Variants in CERS3 observed in about 807,000 individuals in gnomAD.
CERS3 encodes the protein LAG1 homolog, ceramide synthase 3.
A neutral mutation model predicts 50.3 loss-of-function variants in CERS3; 33 were observed. That is an observed-to-expected ratio of 0.66 (90% CI 0.50 to 0.88). CERS3 has a LOEUF of 0.88. Among genes scored for constraint, CERS3 ranks in the 40% least tolerant of loss-of-function variants. The pLI is 0.00. For missense variants in CERS3, 470 were observed against 460.3 expected (o/e 1.02, Z -0.19); for synonymous variants, 176 against 155.2 (o/e 1.13, Z -0.99).
rs995865369 is a variant in CERS3, at chr15:100,417,719, C to T, written c.1000-14854G>A. The stretch of plus-strand genomic sequence containing the variant: ...GAAGAGAGCAGTGGTTCTCCCAGCA[C>T]GCAGCTGGAGATCTGAGAACGGGCA... On this transcript the variant is annotated intron_variant, in intron 11 of 11. Coordinates refer to ENST00000679737, the MANE Select transcript of CERS3 (RefSeq NM_001378789.1). Among the ~76,000 whole-genome samples, 79 of 151,994 alleles carry T rather than the reference C, an allele frequency of 5.2e-4. 1 individual carries two copies. The highest frequency in any genetic ancestry group is 2.7e-4 in the African/African-American group (11 of 41,292).
chr15:100,489,073 C>G (rs1225681298), intron 4 of CERS3, among the ~76,000 whole-genome samples: 3 of 152,228 alleles, frequency 2.0e-5, no homozygotes, highest in Admixed American at 6.5e-5. Flanking sequence ...CTGCGCCCAG[C>G]CACTTTTTTT....
intron 11 of CERS3, among the ~76,000 whole-genome samples, chr15:100,407,713 T>C (rs745807028): frequency 7.2e-5 from 11 of 152,234 alleles, no homozygotes; most frequent in Non-Finnish European, 1.5e-4. Context: ...TTATAGATTC[T>C]TGTCATTCCC....
At chr15:100,504,117 G>A (rs1027627210) in intron 2 of CERS3, among the ~76,000 whole-genome samples, 12 of 152,076 alleles carry the variant, frequency 7.9e-5, no homozygotes, top group Admixed American at 3.3e-4. Flanking sequence ...ATTGAACCCT[G>A]GTGAGATAAT....
intron 11 of CERS3, among the ~76,000 whole-genome samples, chr15:100,405,889 T>C (rs2030988557): frequency 6.6e-6 from 1 of 152,268 alleles, no homozygotes; most frequent in Non-Finnish European, 1.5e-5. Flanking sequence ...GTTTCCCCAC[T>C]AACACTTGCA....
upstream of CERS3, among the ~76,000 whole-genome samples, chr15:100,530,523 G>C (rs1020041242): frequency 2.0e-5 from 3 of 152,132 alleles, no homozygotes; most frequent in South Asian, 2.1e-4. Flanking sequence ...CTGTTCTGTG[G>C]GTATACCTTT....
rs764980198 is a variant in CERS3, at chr15:100,484,620, C to T, written c.337G>A (p.Val113Met). 6.2e-7 allele frequency: 1 copy of T among 1,614,162 alleles called. No homozygotes were observed. The highest frequency in any genetic ancestry group is 8.5e-7 in the Non-Finnish European group (1 of 1,180,016). The change falls in exon 5 of 12, where the codon GTG (valine) becomes ATG (methionine). Residue 113 changes from valine (V) to methionine (M), a missense_variant. Transcript: ENST00000679737. ...CGCCGACTCCTAAACCATCTTTCCA[C>T]CTGGCGCTCCGTCAAGTTACACTTC... ...AKKCNLTERQ[V>M]ERWFRSRRNQ... is the part of the protein sequence containing the mutation.
At chr15:100,407,308 T>C (rs7164714) in intron 11 of CERS3, among the ~76,000 whole-genome samples, 87,285 of 152,050 alleles carry the variant, frequency 0.57, 25,288 homozygotes, top group Middle Eastern at 0.61. Flanking sequence ...ACCCTCCAGC[T>C]GTTTGCCTTT....
intron 11 of CERS3, among the ~76,000 whole-genome samples, chr15:100,447,619 G>T (rs1178675483): frequency 6.6e-6 from 1 of 152,204 alleles, no homozygotes; most frequent in Non-Finnish European, 1.5e-5. Context: ...TTAAGACAAA[G>T]CAGAAATGCG....
At chr15:100,433,720 T>TGTGCAAACACACAC (rs2033255918) in intron 11 of CERS3, among the ~76,000 whole-genome samples, 1 of 152,206 alleles carries the variant, frequency 6.6e-6, no homozygotes, top group South Asian at 2.1e-4. Flanking sequence ...CATGCACACA[T>TGTGCAAACACACAC]GTGCACACAC....
At position 100,428,846 on chromosome 15, in the gene CERS3, T is replaced by C. The variant is rs532859939; in HGVS notation, c.1000-25981A>G. Among the ~76,000 whole-genome samples, 6 of 152,340 alleles carry C rather than the reference T, an allele frequency of 3.9e-5. No homozygotes were observed. In the South Asian group the frequency reaches 1.2e-3, roughly 32 times the overall value. On this transcript the variant is annotated intron_variant, in intron 11 of 11. Transcript: ENST00000679737. ...TTTAAATAGAGGAATCTCACTTAGA[T>C]GAGGCTGATGCCAGGAAGGCCTTAA...
At chr15:100,535,152 C>T (rs2037039171) in intron 1 of CERS3, among the ~76,000 whole-genome samples, 1 of 152,224 alleles carries the variant, frequency 6.6e-6, no homozygotes, top group Non-Finnish European at 1.5e-5. Context: ...TCTAAATTAA[C>T]TGAGACCTAT....
intron 11 of CERS3, among the ~76,000 whole-genome samples, chr15:100,424,997 C>A (rs2032717536): frequency 6.7e-6 from 1 of 150,104 alleles, no homozygotes; most frequent in South Asian, 2.2e-4. Context: ...AGGGTGCAAG[C>A]CAAAAACCTT....
At position 100,504,723 on chromosome 15, in the gene CERS3, C is replaced by T. The variant is rs545463833; in HGVS notation, c.-1-2873G>A. Among the ~76,000 whole-genome samples, 12 of 152,224 alleles carry T rather than the reference C, an allele frequency of 7.9e-5. No homozygotes were observed. The South Asian group carries it at 8.3e-4, about 11-fold the overall frequency. ...ACAGGGGTGAAGGGGTGACCACGGACTGCAGACTTGATCTGGGTACAAAGG... is the reference window on the plus strand; with the variant it reads ...ACAGGGGTGAAGGGGTGACCACGGATTGCAGACTTGATCTGGGTACAAAGG... On this transcript the variant is annotated intron_variant, in intron 2 of 11. Coordinates refer to ENST00000679737, the MANE Select transcript of CERS3 (RefSeq NM_001378789.1).
In CERS3 at chr15:100,526,789, C is replaced by T. The variant is rs73475772; in HGVS notation, c.-92+2024G>A. ...TTGTCTGCTTTGTTCACTGGTGATA[C>T]CCCCAATCCTAGAACAGGATCCAAC... is the stretch of plus-strand genomic sequence containing the variant. On this transcript the variant is annotated intron_variant, in intron 1 of 11. Coordinates refer to ENST00000679737, the MANE Select transcript of CERS3 (RefSeq NM_001378789.1). 8.6e-3 allele frequency among the ~76,000 whole-genome samples: 1,314 copies of T among 152,044 alleles called. 24 individuals carry two copies. The highest frequency in any genetic ancestry group is 0.03 in the African/African-American group (1,236 of 41,482).
intron 5 of CERS3, among the ~76,000 whole-genome samples, chr15:100,483,778 A>ATT (rs1300648690): frequency 0.32 from 18,337 of 57,044 alleles, 2,300 homozygotes; most frequent in Non-Finnish European, 0.37. Context: ...AATAATAATT[A>ATT]TTATTATTAT....
intron 4 of CERS3, among the ~76,000 whole-genome samples, chr15:100,487,085 A>G (rs2035508696): frequency 6.6e-6 from 1 of 152,222 alleles, no homozygotes; most frequent in African/African-American, 2.4e-5. Context: ...CTTGCAAACA[A>G]AAGTGTCTAA....
At chr15:100,443,001 C>G (rs1291245084) in intron 11 of CERS3, among the ~76,000 whole-genome samples, 1 of 151,706 alleles carries the variant, frequency 6.6e-6, no homozygotes, top group South Asian at 2.1e-4. Context: ...AGACAATACT[C>G]TTTTAAGCAC....
At chr15:100,507,383 A>G (rs558830268) in intron 2 of CERS3, among the ~76,000 whole-genome samples, 34 of 152,260 alleles carry the variant, frequency 2.2e-4, no homozygotes, top group African/African-American at 8.2e-4. Flanking sequence ...TTTTCTCAAG[A>G]TGAGATCAGA....
chr15:100,447,435 C>T (rs376597476), intron 11 of CERS3, among the ~76,000 whole-genome samples: 12 of 152,302 alleles, frequency 7.9e-5, no homozygotes, highest in African/African-American at 2.9e-4. Context: ...ACTTATATCT[C>T]CCTAAAATGT....
Sources: allele counts gnomAD v4.1 joint callset (sites outside exome capture counted in the v4.1 genomes callset), GRCh38; gene constraint gnomAD v4.1.1; transcripts MANE v1.5; gene names NCBI Gene and HGNC (gene_info 2026-07-23, HGNC 2026-07-21).